Variants in ATRN observed in about 807,000 individuals in gnomAD.
ATRN encodes the protein attractin-2.
A neutral mutation model predicts 178.7 loss-of-function variants in ATRN; 54 were observed. The ratio of observed to expected loss-of-function variants is 0.30; its 90% CI spans 0.24 to 0.38. The LOEUF (loss-of-function observed/expected upper bound fraction) is 0.38, where lower values mean the gene tolerates loss of function less well. ATRN is among the 10% of genes least tolerant of loss of function. The pLI, the probability that ATRN is intolerant of heterozygous loss-of-function variation, is 1.00. For synonymous variants in ATRN, 636 were observed against 663.0 expected (o/e 0.96, Z 0.63); for missense variants, 1,443 against 1,815.1 (o/e 0.79, Z 3.73).
chr20:3,627,244 A>G (rs1600167790), intron 25 of ATRN, among the ~76,000 whole-genome samples: 1 of 152,134 alleles, frequency 6.6e-6, no homozygotes, highest in Admixed American at 6.5e-5. Context: ...TCACTTGCGG[A>G]GCTTTTGATG....
chr20:3,606,549 A>G (rs1326821800), intron 24 of ATRN, among the ~76,000 whole-genome samples: 3 of 152,158 alleles, frequency 2.0e-5, no homozygotes, highest in Non-Finnish European at 2.9e-5. Context: ...TGGGTAGTCA[A>G]AGCTCCCTGC....
Position 3,511,808 on chromosome 20 carries a change from T to C in ATRN, c.411-23445T>C, listed in dbSNP as rs7361907. Among the ~76,000 whole-genome samples the C allele has an allele frequency of 2.0e-5, 3 of 152,102 alleles. No homozygotes were observed. In the South Asian group the frequency reaches 6.2e-4, roughly 31 times the overall value. On this transcript the variant is annotated intron_variant, in intron 1 of 28. Coordinates refer to ENST00000262919, the MANE Select transcript of ATRN (RefSeq NM_139321.3). ...TGACAATCTTAATCATGACAAAACCTGGGTTTCACTGACTAGATATGAAAT... is the reference window on the plus strand; with the variant it reads ...TGACAATCTTAATCATGACAAAACCCGGGTTTCACTGACTAGATATGAAAT...
chr20:3,640,678 G>C (rs557281232), intron 27 of ATRN, among the ~76,000 whole-genome samples: 1 of 152,318 alleles, frequency 6.6e-6, no homozygotes, highest in South Asian at 2.1e-4. Context: ...GAAGTATAAA[G>C]TGATGGAGCC....
chr20:3,639,141 G>T (rs542601036), intron 27 of ATRN, among the ~76,000 whole-genome samples: 1 of 152,252 alleles, frequency 6.6e-6, no homozygotes, highest in East Asian at 1.9e-4. Context: ...GAGCAGTCTT[G>T]TGTTCAGGGG....
chr20:3,549,126 T>G, intron 5 of ATRN, 44 bp from the exon 6 acceptor site: 1 of 1,506,268 alleles, frequency 6.6e-7, no homozygotes, highest in Non-Finnish European at 9.0e-7. Flanking sequence ...GCAGTAAGCT[T>G]TAAAGCTGTC....
At chr20:3,482,486 G>A (rs918747532) in intron 1 of ATRN, among the ~76,000 whole-genome samples, 4 of 152,114 alleles carry the variant, frequency 2.6e-5, no homozygotes, top group African/African-American at 9.7e-5. Context: ...GCATTTCTCT[G>A]CAAATAACAC....
chr20:3,482,789 C>G (rs1178554930), intron 1 of ATRN, among the ~76,000 whole-genome samples: 1 of 152,124 alleles, frequency 6.6e-6, no homozygotes, highest in Non-Finnish European at 1.5e-5. Context: ...GAAACACTGA[C>G]CAATACTGAC....
chr20:3,554,194 C>T (rs181073221), intron 6 of ATRN, among the ~76,000 whole-genome samples: 15 of 151,974 alleles, frequency 9.9e-5, no homozygotes, highest in African/African-American at 3.4e-4. Flanking sequence ...TTTTCTACAG[C>T]TTTATTTGTT....
intron 24 of ATRN, among the ~76,000 whole-genome samples, chr20:3,618,934 T>G (rs1180432045): frequency 6.6e-6 from 1 of 152,236 alleles, no homozygotes; most frequent in Non-Finnish European, 1.5e-5. Context: ...GGTTAGAATG[T>G]ACTTAGCCAG....
chr20:3,506,057 G>GACACATACACATACACATACACAT (rs146070756), intron 1 of ATRN, among the ~76,000 whole-genome samples: 5 of 151,802 alleles, frequency 3.3e-5, no homozygotes, highest in African/African-American at 1.2e-4. Context: ...TTGACACACT[G>GACACATACACATACACATACACAT]ACACATACAC....
chr20:3,474,981 G>A lies in ATRN; in HGVS notation c.410+3464G>A, dbSNP rs150281799. ...CGGGAAGCGGAGGTTGCAGAGAGCC[G>A]AGATTGCGCCATTGCACTCCAGACC... On this transcript the variant is annotated intron_variant, in intron 1 of 28. Transcript: ENST00000262919. Among the ~76,000 whole-genome samples, 678 of 146,674 alleles carry A rather than the reference G, an allele frequency of 4.6e-3. 4 individuals carry two copies. The highest frequency in any genetic ancestry group is 0.017 in the African/African-American group (649 of 38,858).
At chr20:3,545,081 A>C (rs1440122616) in intron 3 of ATRN, among the ~76,000 whole-genome samples, 2 of 152,018 alleles carry the variant, frequency 1.3e-5, no homozygotes, top group Admixed American at 1.3e-4. Flanking sequence ...TTTTATATAA[A>C]ATATCTTGGG....
At chr20:3,514,272 C>T (rs2085176708) in intron 1 of ATRN, among the ~76,000 whole-genome samples, 1 of 152,202 alleles carries the variant, frequency 6.6e-6, no homozygotes, top group South Asian at 2.1e-4. Context: ...GAAAGCTTCA[C>T]CAGTCAATTC....
chr20:3,605,729 C>T (rs1405423748), intron 24 of ATRN, among the ~76,000 whole-genome samples: 1 of 152,110 alleles, frequency 6.6e-6, no homozygotes, highest in Non-Finnish European at 1.5e-5. Context: ...TGGGGAACAA[C>T]ACACACTGGG....
chr20:3,603,822 A>G (rs753726404), intron 23 of ATRN, among the ~76,000 whole-genome samples: 3 of 152,098 alleles, frequency 2.0e-5, no homozygotes, highest in Admixed American at 6.6e-5. Context: ...ATAGGCTTGT[A>G]TATCAGCCTG....
At chr20:3,622,863 A>C (rs1486247640) in intron 24 of ATRN, among the ~76,000 whole-genome samples, 18 of 152,238 alleles carry the variant, frequency 1.2e-4, no homozygotes, top group Admixed American at 8.5e-4. Context: ...TTCAGCAAGA[A>C]ATCAGGCTAA....
rs2086648008 is a variant in ATRN, at chr20:3,604,120, G to T, written c.3659G>T (p.Gly1220Val). 6.3e-7 allele frequency: 1 copy of T among 1,589,696 alleles called. No homozygotes were observed. The highest frequency in any genetic ancestry group is 8.5e-7 in the Non-Finnish European group (1 of 1,172,964). The stretch of plus-strand genomic sequence containing the variant: ...CTTTTAACAGCTGGAACCCAGGCTG[G>T]AGAAGAGATGCCTGTTGTTTCAAAA... ...AASFSAGTQA[G>V]EEMPVVSKTN... Residue 1220 changes from glycine (G) to valine (V), a missense_variant, in exon 24 of 29, where the codon GGA (glycine) becomes GTA (valine). Gly to Val is a moderately radical substitution (Grantham distance 109, BLOSUM62 -3). This residue lies in a region of ATRN where 289 missense variants were observed against 440.8 expected (regional missense o/e 0.66). Coordinates refer to ENST00000262919, the MANE Select transcript of ATRN (RefSeq NM_139321.3).
At chr20:3,543,496 C>T (rs555933249) in intron 3 of ATRN, among the ~76,000 whole-genome samples, 5 of 151,152 alleles carry the variant, frequency 3.3e-5, no homozygotes, top group East Asian at 2.0e-4. Context: ...CCGAGGTGGG[C>T]GGATTGCCTG....
intron 1 of ATRN, among the ~76,000 whole-genome samples, chr20:3,498,416 T>C (rs1246185056): frequency 3.3e-5 from 5 of 152,080 alleles, no homozygotes; most frequent in South Asian, 2.1e-4. Flanking sequence ...TGATAAACAT[T>C]GATGCAGAAA....
Sources: gnomAD v4.1 joint callset for allele counts (sites outside exome capture counted in the v4.1 genomes callset) on GRCh38, gnomAD v4.1.1 for gene constraint, gnomAD v4.1.1 regional missense constraint, MANE v1.5 for transcripts, NCBI Gene and HGNC (gene_info 2026-07-23, HGNC 2026-07-21) for gene names.